The following EIF2AK2 variants were observed in gnomAD, a reference collection of about 807,000 sequenced individuals.
EIF2AK2 encodes interferon-induced, double-stranded RNA-activated protein kinase.
A neutral mutation model predicts 70.5 loss-of-function variants in EIF2AK2; 40 were observed. The observed-to-expected ratio is 0.57, with a 90% CI of 0.44 to 0.74. The LOEUF (loss-of-function observed/expected upper bound fraction) is 0.74. Among genes scored for constraint, EIF2AK2 ranks in the 30% least tolerant of loss-of-function variants. The probability of loss-of-function intolerance (pLI) is 0.00; values close to 1 mark genes in which losing one functional copy is unlikely to be tolerated. For missense variants in EIF2AK2, 555 were observed against 644.3 expected (o/e 0.86, Z 1.50); for synonymous variants, 198 against 220.9 (o/e 0.90, Z 0.92).
intron 13 of EIF2AK2, among the ~76,000 whole-genome samples, chr2:37,116,436 A>G (rs1165951278): frequency 6.6e-6 from 1 of 152,166 alleles, no homozygotes; most frequent in Non-Finnish European, 1.5e-5. Context: ...GAGAAAATTA[A>G]TATTTTGCTA....
intron 1 of EIF2AK2, among the ~76,000 whole-genome samples, chr2:37,152,701 C>T (rs767293874): frequency 1.3e-5 from 2 of 152,228 alleles, no homozygotes; most frequent in Non-Finnish European, 2.9e-5. Context: ...TCCATGATTT[C>T]AGTGATCATC....
intron 13 of EIF2AK2, among the ~76,000 whole-genome samples, chr2:37,117,149 G>C (rs552514421): frequency 1.9e-4 from 28 of 151,156 alleles, no homozygotes; most frequent in Non-Finnish European, 3.8e-4. Context: ...GGAGTCAGAG[G>C]CTGCAGTGAG....
rs529099258 is a variant in EIF2AK2, at chr2:37,104,580, A to C, written c.*2693T>G. 2.0e-5 allele frequency: 3 copies of C among 152,294 alleles called. No individual in the cohort carries two copies. The highest frequency in any genetic ancestry group is 7.2e-5 in the African/African-American group (3 of 41,560). 9.4% of individuals were successfully genotyped at this position (152,294 alleles called of 1,614,324 possible). On this transcript the variant is annotated 3_prime_UTR_variant, in exon 17 of 17. Coordinates refer to ENST00000233057, the MANE Select transcript of EIF2AK2 (RefSeq NM_001135651.3). ...AGCCATCCTCCCCTTTTGACCTCCC[A>C]AAAATGCTGGGATAACAGGCATTAG...
intron 14 of EIF2AK2, among the ~76,000 whole-genome samples, chr2:37,114,156 G>C (rs1674254527): frequency 1.3e-5 from 2 of 151,708 alleles, no homozygotes; most frequent in Admixed American, 6.6e-5. Context: ...TAATTAGCTG[G>C]GCACAGTGGT....
chr2:37,148,740 A>G, intron 2 of EIF2AK2, 117 bp downstream of exon 2: 1 of 839,026 alleles, frequency 1.2e-6, no homozygotes, highest in South Asian at 1.3e-5. Flanking sequence ...GAGGATTTAC[A>G]GAAGTCGTGT....
chr2:37,140,918 T>C (rs1037553422), intron 5 of EIF2AK2, among the ~76,000 whole-genome samples: 2 of 152,338 alleles, frequency 1.3e-5, no homozygotes, highest in East Asian at 3.9e-4. Context: ...TGAAAAACAA[T>C]TGCCTCATAC....
rs1673817528 is a variant in EIF2AK2 at position 37,101,132 on chromosome 2, G to A, written c.*6141C>T. ...TTCCACTTCTGACCTTTCAAATATA[G>A]TTTCCTCCTGCTCTATTCTAAACAT... On this transcript the variant is annotated 3_prime_UTR_variant, in exon 17 of 17. Transcript: ENST00000233057. 1 of 152,026 alleles carries A rather than the reference G, an allele frequency of 6.6e-6. No individual in the cohort carries two copies. The highest frequency in any genetic ancestry group is 2.1e-4 in the South Asian group (1 of 4,818). 9.4% of individuals were successfully genotyped at this position (152,026 alleles called of 1,614,324 possible).
chr2:37,135,438 C>G, intron 10 of EIF2AK2, 46 bp downstream of exon 10: 1 of 1,504,718 alleles, frequency 6.6e-7, no homozygotes, highest in Non-Finnish European at 9.0e-7. Context: ...AAAACATCCA[C>G]CGACAGCATT....
At chr2:37,147,469 C>T (rs529336369) in intron 3 of EIF2AK2, among the ~76,000 whole-genome samples, 2 of 119,104 alleles carry the variant, frequency 1.7e-5, no homozygotes, top group South Asian at 3.5e-4. Context: ...CCCCTCCCCC[C>T]ACCCCACAAC....
rs192798602 is a variant in EIF2AK2, at chr2:37,145,055, A to G, written c.240+1798T>C. Among the ~76,000 whole-genome samples the G allele has an allele frequency of 5.3e-5, 8 of 152,214 alleles. No homozygotes were observed. In the East Asian group the frequency reaches 1.5e-3, roughly 29 times the overall value. On this transcript the variant is annotated intron_variant, in intron 4 of 16. Transcript: ENST00000233057. The stretch of plus-strand genomic sequence containing the variant: ...AAAAAAAAAAGTTTAAAATTTTAAA[A>G]ATAGAAAAAAGCTTATAGAATAAAC...
intron 2 of EIF2AK2, 101 bp from the exon 3 acceptor site, chr2:37,147,923 C>A (rs1458229440): frequency 1.5e-6 from 1 of 656,792 alleles, no homozygotes; most frequent in Admixed American, 2.4e-5. Context: ...GGAGACTCCC[C>A]TTTATAGGAC....
Position 37,139,632 on chromosome 2 carries a change from A to G in EIF2AK2, c.515T>C (p.Val172Ala), listed in dbSNP as rs749551060. ...ATTTAATCCAAAGGCAATACGTACCACTGAGGTTTCTTCTGATAATATCTG... is the reference window on the plus strand; with the variant it reads ...ATTTAATCCAAAGGCAATACGTACCGCTGAGGTTTCTTCTGATAATATCTG... ...YLQILSEETSVKSDYLSSGSF... is the reference protein window; with the variant it reads ...YLQILSEETSAKSDYLSSGSF... Residue 172 changes from valine (V) to alanine (A), a missense_variant and splice_region_variant, in exon 6 of 17, where the codon GTG (valine) becomes GCG (alanine). Around this residue, in one of 3 missense-constraint regions of EIF2AK2, gnomAD observed 208 missense variants for 191.8 expected, o/e 1.08. Transcript: ENST00000233057. The G allele has an allele frequency of 2.5e-6, 4 of 1,609,800 alleles. No homozygotes were observed. Among genetic ancestry groups the G allele is most frequent in the African/African-American group, 1.3e-5 (1 of 74,648 alleles).
At chr2:37,139,330 A>C (rs888673462) in intron 6 of EIF2AK2, among the ~76,000 whole-genome samples, 14 of 151,616 alleles carry the variant, frequency 9.2e-5, no homozygotes, top group Non-Finnish European at 2.1e-4. Flanking sequence ...AAAAAAAAAA[A>C]AAACTCCTGA....
At chr2:37,130,923 C>A (rs1674917807) in intron 10 of EIF2AK2, among the ~76,000 whole-genome samples, 1 of 152,138 alleles carries the variant, frequency 6.6e-6, no homozygotes, top group Non-Finnish European at 1.5e-5. Flanking sequence ...AAAGGAAGAC[C>A]CAATTTAACC....
Position 37,146,116 on chromosome 2 carries a change from G to A in EIF2AK2, c.240+737C>T, listed in dbSNP as rs1675529305. 1.3e-5 allele frequency among the ~76,000 whole-genome samples: 2 copies of A among 151,954 alleles called. 1 individual carries two copies. Among genetic ancestry groups the A allele is most frequent in the Admixed American group, 1.3e-4 (2 of 15,264 alleles). On this transcript the variant is annotated intron_variant, in intron 4 of 16. Transcript: ENST00000233057. ...TGTGTTTAGATATGTTTAGATACAT[G>A]AATACTAAACATTGTGTTACAATTG...
At chr2:37,135,632 C>T in intron 9 of EIF2AK2, 86 bp from the exon 10 acceptor site, 1 of 1,254,066 alleles carries the variant, frequency 8.0e-7, no homozygotes, top group Middle Eastern at 1.9e-4. Flanking sequence ...CTTTTTCTTT[C>T]TTTTTTTTTC....
rs1675155002 is a variant in EIF2AK2 at position 37,137,101 on chromosome 2, A to T, written c.688-84T>A. 3 of 1,218,072 alleles carry T rather than the reference A, an allele frequency of 2.5e-6. No homozygotes were observed. In the South Asian group the frequency reaches 4.5e-5, roughly 18 times the overall value. 75.5% of individuals were successfully genotyped at this position (1,218,072 alleles called of 1,614,324 possible). ...CCGTTTTCCTTCCTCCTGTATATCT[A>T]GATGGCTCTCTGACCAATTTCTTAG... is the stretch of plus-strand genomic sequence containing the variant. On this transcript the variant is annotated intron_variant, in intron 8 of 16. Coordinates refer to ENST00000233057, the MANE Select transcript of EIF2AK2 (RefSeq NM_001135651.3).
chr2:37,113,682 A>T (rs1674237640), intron 14 of EIF2AK2, among the ~76,000 whole-genome samples: 1 of 152,154 alleles, frequency 6.6e-6, no homozygotes, highest in African/African-American at 2.4e-5. Flanking sequence ...TTGGGAAAGG[A>T]TATGAGTAGA....
chr2:37,102,401 A>C lies in EIF2AK2; in HGVS notation c.*4872T>G, dbSNP rs1673848365. On this transcript the variant is annotated 3_prime_UTR_variant, in exon 17 of 17. Coordinates refer to ENST00000233057, the MANE Select transcript of EIF2AK2 (RefSeq NM_001135651.3). ...TGTATGTTTGAACATAAAGAAATGT[A>C]TGAATAATATTGAAATTATTCAATA... is the stretch of plus-strand genomic sequence containing the variant. 6.6e-6 allele frequency: 1 copy of C among 152,192 alleles called. No homozygotes were observed. The highest frequency in any genetic ancestry group is 2.1e-4 in the South Asian group (1 of 4,836). The allele number at this position is 152,192 out of a possible 1,614,324, so 9.4% of individuals were successfully genotyped here. A position where few individuals can be genotyped will look rare whatever the true frequency, so the allele number is the denominator to read the frequency against.
Sources: gnomAD v4.1 joint callset for allele counts (sites outside exome capture counted in the v4.1 genomes callset) on GRCh38, gnomAD v4.1.1 for gene constraint, gnomAD v4.1.1 regional missense constraint, MANE v1.5 for transcripts, NCBI Gene and HGNC (gene_info 2026-07-23, HGNC 2026-07-21) for gene names.